The following SLC4A9 variants were observed in gnomAD, a reference collection of about 807,000 sequenced individuals.
SLC4A9 encodes the protein solute carrier family 4 member 9.
In SLC4A9, 102 loss-of-function variants were observed where a neutral mutation model predicts 103.2. The ratio of observed to expected loss-of-function variants is 0.99; its 90% confidence interval spans 0.84 to 1.17. The LOEUF (loss-of-function observed/expected upper bound fraction) is 1.17. Ranked by LOEUF, SLC4A9 falls within the 50% of genes most tolerant of loss-of-function variation. The pLI is 0.00. For missense variants in SLC4A9, 1,091 were observed against 1,193.7 expected (o/e 0.91, Z 1.27); for synonymous variants, 453 against 483.6 (o/e 0.94, Z 0.83).
intron 4 of SLC4A9, 48 bp from the exon 5 acceptor site, chr5:140,361,969 T>C (rs763357843): frequency 1.2e-6 from 2 of 1,613,170 alleles, no homozygotes; most frequent in Non-Finnish European, 1.7e-6. Flanking sequence ...GATCTTATCC[T>C]CCCCAAATAA....
chr5:140,368,065 C>T (rs1396086993), intron 16 of SLC4A9, among the ~76,000 whole-genome samples, 167 bp downstream of exon 16: 4 of 152,114 alleles, frequency 2.6e-5, no homozygotes, highest in Non-Finnish European at 4.4e-5. Flanking sequence ...GTCAGATCTT[C>T]CCCTCTCTCC....
chr5:140,369,100 A>C (rs1029470915), intron 17 of SLC4A9, among the ~76,000 whole-genome samples: 23 of 151,974 alleles, frequency 1.5e-4, no homozygotes, highest in African/African-American at 5.6e-4. Flanking sequence ...AGGTGGGAGG[A>C]TCACTTGAGC....
At chr5:140,366,127 G>C in intron 13 of SLC4A9, 24 bp from the exon 14 acceptor site, 1 of 1,610,994 alleles carries the variant, frequency 6.2e-7, no homozygotes, top group African/African-American at 1.3e-5. Context: ...GCCTGGACCT[G>C]ACTGAGTGTC....
intron 1 of SLC4A9, 45 bp from the exon 2 acceptor site, chr5:140,360,767 G>T (rs1281966433): frequency 1.2e-6 from 2 of 1,611,986 alleles, no homozygotes; most frequent in Non-Finnish European, 1.7e-6. Context: ...TCCTGGACAT[G>T]GGAGAAATGC....
chr5:140,362,653 A>T (rs1359649396), intron 6 of SLC4A9, 121 bp downstream of exon 6: 9 of 1,095,572 alleles, frequency 8.2e-6, no homozygotes, highest in Non-Finnish European at 1.2e-5. Context: ...ATGTGTCCCT[A>T]AATACAGCAA....
intron 17 of SLC4A9, among the ~76,000 whole-genome samples, chr5:140,369,952 G>T (rs147510835): frequency 0.014 from 2,149 of 152,142 alleles, 58 homozygotes; most frequent in African/African-American, 0.049. Flanking sequence ...CAATGAGCCA[G>T]GTTTGTGACA....
At position 140,363,640 on chromosome 5, in the gene SLC4A9, G is replaced by A. The variant is rs1185448172; in HGVS notation, c.1079+85G>A. On this transcript the variant is annotated intron_variant, in intron 8 of 21. Coordinates refer to ENST00000506757, the MANE Select transcript of SLC4A9 (RefSeq NM_031467.3). The surrounding 1 kb of genome is among the most constrained non-coding windows in gnomAD (Gnocchi z 4.5). ...GAAACTGAGGTGTGTGCTCACTGTG[G>A]GAGGGGCTCACCCGGTCACAGGGAA... The A allele has an allele frequency of 6.3e-7, 1 of 1,578,902 alleles. No homozygotes were observed. The highest frequency in any genetic ancestry group is 8.6e-7 in the Non-Finnish European group (1 of 1,160,350).
intron 16 of SLC4A9, 62 bp downstream of exon 16, chr5:140,367,960 A>G: frequency 7.7e-6 from 12 of 1,562,616 alleles, no homozygotes; most frequent in Non-Finnish European, 9.7e-6. Flanking sequence ...AAAGGGGAAC[A>G]TGGCAGAGTT....
At position 140,362,112 on chromosome 5, in the gene SLC4A9, C is replaced by G; in HGVS notation, c.657C>G (p.Ala219=). 1 of 1,578,014 alleles carries G rather than the reference C, an allele frequency of 6.3e-7. No individual in the cohort carries two copies. The highest frequency in any genetic ancestry group is 8.5e-7 in the Non-Finnish European group (1 of 1,170,452). ...GCTTCCTGGCACAGCCACTGGGAGC[C>G]TTTGTTCGACTGCGGAACCCTGTGG... The part of the protein sequence containing the change: ...ELGFLAQPLG[A]FVRLRNPVVL... The change falls in exon 5 of 22, where the codon GCC becomes GCG. Residue 219 remains alanine, a synonymous_variant. Transcript: ENST00000506757.
chr5:140,368,028 G>C, intron 16 of SLC4A9, 130 bp downstream of exon 16: 1 of 931,072 alleles, frequency 1.1e-6, no homozygotes, highest in East Asian at 2.6e-5. Flanking sequence ...GGCAGAATGA[G>C]TGAGTTCTGG....
In SLC4A9 at chr5:140,364,310, G is replaced by A. The variant is rs549958536; in HGVS notation, c.1389-53G>A. The A allele has an allele frequency of 1.9e-5, 31 of 1,607,072 alleles. No homozygotes were observed. In the East Asian group the frequency reaches 3.8e-4, roughly 20 times the overall value. ...TTGAGGGACACCTGACCTGGGTTTA[G>A]TGGGAAGCAGACAGCCCTGCTAAGC... On this transcript the variant is annotated intron_variant, in intron 10 of 21. Coordinates refer to ENST00000506757, the MANE Select transcript of SLC4A9 (RefSeq NM_031467.3).
chr5:140,360,584 T>C, intron 1 of SLC4A9, 118 bp downstream of exon 1: 1 of 1,160,460 alleles, frequency 8.6e-7, no homozygotes. Context: ...CCAGCTGTGT[T>C]CCCTTATTTC....
Position 140,366,000 on chromosome 5 carries a change from C to G in SLC4A9, c.1877C>G (p.Thr626Ser). The change falls in exon 13 of 22, where the codon ACC becomes AGC. Residue 626 changes from threonine to serine, a missense_variant. Transcript: ENST00000506757. ...GCTATGGCCCTCAAGTGTGTAAAGA[C>G]CAGCCGCTTCTTCCCCTCTGTGGTG... ...FFAMALKCVK[T>S]SRFFPSVVRK... 6.2e-7 allele frequency: 1 copy of G among 1,614,024 alleles called. No homozygotes were observed. The highest frequency in any genetic ancestry group is 1.1e-5 in the South Asian group (1 of 91,088).
At chr5:140,366,400 G>T (rs1013383881) in intron 14 of SLC4A9, 136 bp downstream of exon 14, 4 of 644,992 alleles carry the variant, frequency 6.2e-6, no homozygotes, top group Non-Finnish European at 1.1e-5. Flanking sequence ...TAATAATAAT[G>T]GCCTCACAGG....
chr5:140,372,118 T>C, intron 19 of SLC4A9, 124 bp from the exon 20 acceptor site: 1 of 870,138 alleles, frequency 1.1e-6, no homozygotes, highest in Non-Finnish European at 1.7e-6. Flanking sequence ...CATAGGAATG[T>C]GCTAGCATTC....
At chr5:140,372,673 T>C in intron 20 of SLC4A9, 72 bp from the exon 21 acceptor site, 1 of 1,465,570 alleles carries the variant, frequency 6.8e-7, no homozygotes, top group South Asian at 1.4e-5. Flanking sequence ...ACTGTGGGTT[T>C]ACCTCTATGT....
chr5:140,373,555 G>A (rs1769045187), intron 21 of SLC4A9, among the ~76,000 whole-genome samples: 1 of 152,090 alleles, frequency 6.6e-6, no homozygotes, highest in South Asian at 2.1e-4. Context: ...GGTGGTGGTT[G>A]GGTGGTGGGT....
intron 6 of SLC4A9, 71 bp downstream of exon 6, chr5:140,362,603 C>T (rs988116408): frequency 2.6e-5 from 36 of 1,372,924 alleles, no homozygotes; most frequent in African/African-American, 5.7e-5. Flanking sequence ...CACATGCATA[C>T]ATGCATGGGC....
Position 140,361,868 on chromosome 5 carries a change from G to A in SLC4A9, c.561+5G>A. On this transcript the variant is annotated splice_donor_5th_base_variant and intron_variant, in intron 4 of 21. Transcript: ENST00000506757. The stretch of plus-strand genomic sequence containing the variant: ...GAAGCCCCCCTGAGGGAACAGGTTT[G>A]TGGCCCTTCCTTGGGGTCCCTTTCC... 1 of 1,613,792 alleles carries A rather than the reference G, an allele frequency of 6.2e-7. No homozygotes were observed. Among genetic ancestry groups the A allele is most frequent in the Non-Finnish European group, 8.5e-7 (1 of 1,179,774 alleles).
Sources: allele counts gnomAD v4.1 joint callset (sites outside exome capture counted in the v4.1 genomes callset), GRCh38; gene constraint gnomAD v4.1.1; non-coding constraint Gnocchi (gnomAD v3.1); transcripts MANE v1.5; gene names NCBI Gene and HGNC (gene_info 2026-07-23, HGNC 2026-07-21).